NUDCD2: variants seen among roughly 807,000 people sequenced by gnomAD.
NUDCD2 encodes NudC domain containing 2.
Under a neutral mutation model 20.8 loss-of-function variants are expected in NUDCD2, and 16 were observed. The ratio of observed to expected loss-of-function variants is 0.77; its 90% CI spans 0.52 to 1.17. The LOEUF is 1.17. NUDCD2 is among the 50% of genes most tolerant of loss of function. NUDCD2 has a pLI of 0.00. For synonymous variants in NUDCD2, 87 were observed against 72.8 expected (o/e 1.20, Z -1.00); for missense variants, 199 against 193.9 (o/e 1.03, Z -0.16).
At position 163,448,755 on chromosome 5, in the gene NUDCD2, G is replaced by A. The variant is rs1005795903; in HGVS notation, c.*5212C>T. 4 of 152,086 alleles carry A rather than the reference G, an allele frequency of 2.6e-5. No homozygotes were observed. The highest frequency in any genetic ancestry group is 4.4e-5 in the Non-Finnish European group (3 of 68,012). 9.4% of individuals were successfully genotyped at this position (152,086 alleles called of 1,614,324 possible). A position where few individuals can be genotyped will look rare whatever the true frequency, so the allele number is the denominator to read the frequency against. Reference sequence around the variant, plus strand: ...AAAAAATAAAAATCTAGATACATAAGCTGAATAATGTACCATGACCAAGTT... The same window carrying A: ...AAAAAATAAAAATCTAGATACATAAACTGAATAATGTACCATGACCAAGTT... On this transcript the variant is annotated 3_prime_UTR_variant, in exon 4 of 4. Transcript: ENST00000302764.
At chr5:163,455,077 C>T (rs1581178390) in intron 3 of NUDCD2, among the ~76,000 whole-genome samples, 1 of 151,422 alleles carries the variant, frequency 6.6e-6, no homozygotes, top group South Asian at 2.1e-4. Context: ...AGGTAGTGGG[C>T]CAAATTTGGC....
chr5:163,456,651 A>C (rs978112776), intron 3 of NUDCD2, among the ~76,000 whole-genome samples: 6 of 152,168 alleles, frequency 3.9e-5, no homozygotes, highest in Non-Finnish European at 5.9e-5. Context: ...GTCTATATTG[A>C]TTCAACTATA....
rs543151722 is a variant in NUDCD2 at position 163,455,145 on chromosome 5, G to GA, written c.391-1096dup. 5.8e-3 allele frequency among the ~76,000 whole-genome samples: 665 copies of GA among 114,686 alleles called. 1 individual carries two copies. Among genetic ancestry groups the GA allele is most frequent in the Middle Eastern group, 9.4e-3 (2 of 212 alleles). 75.2% of individuals were successfully genotyped at this position (114,686 alleles called of 152,430 possible). A position where few individuals can be genotyped will look rare whatever the true frequency, so the allele number is the denominator to read the frequency against. ...GTGTTAAAAGTTGGTAAGTGACACAGAAAAAAAAAAAAAACAGGATAAGGG... is the reference window on the plus strand; with the variant it reads ...GTGTTAAAAGTTGGTAAGTGACACAGAAAAAAAAAAAAAAACAGGATAAGGG... On this transcript the variant is annotated intron_variant, in intron 3 of 3. Coordinates refer to ENST00000302764, the MANE Select transcript of NUDCD2 (RefSeq NM_145266.6).
In NUDCD2 at chr5:163,460,016, A is replaced by G. The variant is rs754893174; in HGVS notation, c.35T>C (p.Val12Ala). ...CTGGCCCCACGGGGTCCCGCACGGT[A>G]CCACCCCACTCCGCTCCTCAAACGG... ...SAPFEERSGV[V>A]PCGTPWGQWY... Residue 12 changes from valine (V) to alanine (A), a missense_variant, in exon 1 of 4, where the codon GTA (valine) becomes GCA (alanine). Physicochemically the swap from Val to Ala is moderately conservative, Grantham distance 64. Transcript: ENST00000302764. 1.2e-6 allele frequency: 2 copies of G among 1,609,350 alleles called. No individual in the cohort carries two copies. Among genetic ancestry groups the G allele is most frequent in the East Asian group, 2.2e-5 (1 of 44,546 alleles).
At chr5:163,454,078 A>T in intron 3 of NUDCD2, 28 bp from the exon 4 acceptor site, 1 of 1,229,550 alleles carries the variant, frequency 8.1e-7, no homozygotes, top group Non-Finnish European at 1.1e-6. Context: ...ATATATAATG[A>T]AATAAAACTT....
At position 163,449,488 on chromosome 5, in the gene NUDCD2, C is replaced by T. The variant is rs1472622894; in HGVS notation, c.*4479G>A. ...AAATGAAAGAGGTCCTAAATAGATA[C>T]CTCATGTTCATGGATTGGAAGACAC... On this transcript the variant is annotated 3_prime_UTR_variant, in exon 4 of 4. Coordinates refer to ENST00000302764, the MANE Select transcript of NUDCD2 (RefSeq NM_145266.6). The T allele has an allele frequency of 6.6e-6, 1 of 152,168 alleles. No individual in the cohort carries two copies. The highest frequency in any genetic ancestry group is 6.5e-5 in the Admixed American group (1 of 15,268). 9.4% of individuals were successfully genotyped at this position (152,168 alleles called of 1,614,324 possible).
At position 163,452,841 on chromosome 5, in the gene NUDCD2, T is replaced by C. The variant is rs191237690; in HGVS notation, c.*1126A>G. 6.6e-6 allele frequency: 1 copy of C among 152,202 alleles called. No homozygotes were observed. Among genetic ancestry groups the C allele is most frequent in the Non-Finnish European group, 1.5e-5 (1 of 68,020 alleles). 9.4% of individuals were successfully genotyped at this position (152,202 alleles called of 1,614,324 possible). A position where few individuals can be genotyped will look rare whatever the true frequency, so the allele number is the denominator to read the frequency against. On this transcript the variant is annotated 3_prime_UTR_variant, in exon 4 of 4. Coordinates refer to ENST00000302764, the MANE Select transcript of NUDCD2 (RefSeq NM_145266.6). ...GCCCATAATTGTCAAAAGTACTAAG[T>C]TGTAAAAGGAAACAAATGAGAATTT... is the stretch of plus-strand genomic sequence containing the variant.
At position 163,451,667 on chromosome 5, in the gene NUDCD2, G is replaced by A. The variant is rs1241196978; in HGVS notation, c.*2300C>T. On this transcript the variant is annotated 3_prime_UTR_variant, in exon 4 of 4. Coordinates refer to ENST00000302764, the MANE Select transcript of NUDCD2 (RefSeq NM_145266.6). Reference sequence around the variant, plus strand: ...GCCATGGCCTGGAGTGAGGTATTAGGGTCCAGGCAGGATGAGGAGGACATT... The same window carrying A: ...GCCATGGCCTGGAGTGAGGTATTAGAGTCCAGGCAGGATGAGGAGGACATT... The A allele has an allele frequency of 1.3e-5, 2 of 152,174 alleles. No homozygotes were observed. Among genetic ancestry groups the A allele is most frequent in the Non-Finnish European group, 2.9e-5 (2 of 68,036 alleles). The allele number at this position is 152,174 out of a possible 1,614,324, so 9.4% of individuals were successfully genotyped here. A position where few individuals can be genotyped will look rare whatever the true frequency, so the allele number is the denominator to read the frequency against.
intron 3 of NUDCD2, among the ~76,000 whole-genome samples, chr5:163,455,329 T>G (rs542342185): frequency 6.6e-6 from 1 of 152,156 alleles, no homozygotes; most frequent in Non-Finnish European, 1.5e-5. Flanking sequence ...CAGGCCAGTA[T>G]GGCAAAAGCA....
intron 3 of NUDCD2, among the ~76,000 whole-genome samples, chr5:163,456,172 T>C (rs1474610772): frequency 1.3e-5 from 2 of 152,108 alleles, no homozygotes; most frequent in African/African-American, 4.8e-5. Context: ...AGAAAAAAAG[T>C]CTAGGCTAGA....
intron 3 of NUDCD2, among the ~76,000 whole-genome samples, chr5:163,455,501 C>T (rs1758278518): frequency 6.6e-6 from 1 of 152,146 alleles, no homozygotes; most frequent in African/African-American, 2.4e-5. Flanking sequence ...CGGTGGTTCA[C>T]GCCTGTAATC....
Position 163,460,017 on chromosome 5 carries a change from C to T in NUDCD2, c.34G>A (p.Val12Ile), listed in dbSNP as rs777726078. The change falls in exon 1 of 4, where the codon GTA (valine) becomes ATA (isoleucine). Residue 12 changes from valine (V) to isoleucine (I), a missense_variant. Physicochemically the swap from Val to Ile is conservative, Grantham distance 29. Transcript: ENST00000302764. ...TGGCCCCACGGGGTCCCGCACGGTA[C>T]CACCCCACTCCGCTCCTCAAACGGG... ...SAPFEERSGV[V>I]PCGTPWGQWY... The T allele has an allele frequency of 1.9e-6, 3 of 1,602,848 alleles. No individual in the cohort carries two copies. Among genetic ancestry groups the T allele is most frequent in the South Asian group, 2.2e-5 (2 of 90,108 alleles).
Position 163,451,891 on chromosome 5 carries a change from C to CA in NUDCD2, c.*2075dup, listed in dbSNP as rs1337253469. On this transcript the variant is annotated 3_prime_UTR_variant, in exon 4 of 4. Transcript: ENST00000302764. Reference sequence around the variant, plus strand: ...CAACATGGAGAAACCCCGTCTCTACCAAAAATTAAAAATTAGCCAGGTGTG... The same window carrying CA: ...CAACATGGAGAAACCCCGTCTCTACCAAAAAATTAAAAATTAGCCAGGTGTG... 2 of 152,052 alleles carry CA rather than the reference C, an allele frequency of 1.3e-5. No individual in the cohort carries two copies. The highest frequency in any genetic ancestry group is 4.8e-5 in the African/African-American group (2 of 41,400). The allele number at this position is 152,052 out of a possible 1,614,324, so 9.4% of individuals were successfully genotyped here. A position where few individuals can be genotyped will look rare whatever the true frequency, so the allele number is the denominator to read the frequency against.
In NUDCD2 at chr5:163,451,546, A is replaced by G. The variant is rs1758177333; in HGVS notation, c.*2421T>C. The G allele has an allele frequency of 6.6e-6, 1 of 152,210 alleles. No homozygotes were observed. Among genetic ancestry groups the G allele is most frequent in the Non-Finnish European group, 1.5e-5 (1 of 68,042 alleles). The allele number at this position is 152,210 out of a possible 1,614,324, so 9.4% of individuals were successfully genotyped here. A position where few individuals can be genotyped will look rare whatever the true frequency, so the allele number is the denominator to read the frequency against. ...TTACTTTACTCAAAAAATTTTGTTA[A>G]ATGTCAAAGAGAATAAAATTAAAAG... On this transcript the variant is annotated 3_prime_UTR_variant, in exon 4 of 4. Transcript: ENST00000302764.
At position 163,450,618 on chromosome 5, in the gene NUDCD2, C is replaced by T. The variant is rs534165883; in HGVS notation, c.*3349G>A. On this transcript the variant is annotated 3_prime_UTR_variant, in exon 4 of 4. Transcript: ENST00000302764. ...TAGCAAACCAAAACTAGATAGAGATCCCATTTCATATCCACTAGAGTGACT... is the reference window on the plus strand; with the variant it reads ...TAGCAAACCAAAACTAGATAGAGATTCCATTTCATATCCACTAGAGTGACT... 2.6e-5 allele frequency: 4 copies of T among 152,240 alleles called. No homozygotes were observed. The highest frequency in any genetic ancestry group is 9.6e-5 in the African/African-American group (4 of 41,546). 9.4% of individuals were successfully genotyped at this position (152,240 alleles called of 1,614,324 possible).
intron 2 of NUDCD2, 33 bp from the exon 3 acceptor site, chr5:163,457,113 A>C (rs1354747185): frequency 6.5e-7 from 1 of 1,542,096 alleles, no homozygotes; most frequent in Non-Finnish European, 8.7e-7. Flanking sequence ...CACACGCACA[A>C]ATAAATTAGA....
rs893727765 is a variant in NUDCD2, at chr5:163,453,989, T to C, written c.452A>G (p.Asp151Gly). Reference sequence around the variant, plus strand: ...CAGTTATTTCTCAAGGTTTGAGAAATCTGGTCCACCTTTAGTGTAGTTTCC... The same window carrying C: ...CAGTTATTTCTCAAGGTTTGAGAAACCTGGTCCACCTTTAGTGTAGTTTCC... ...ISGNYTKGGP[D>G]FSNLEK is the part of the protein sequence containing the mutation. Residue 151 changes from aspartate (D) to glycine (G), a missense_variant, in exon 4 of 4, where the codon GAT (aspartate) becomes GGT (glycine). By Grantham distance (94) the Asp-to-Gly change is moderately conservative (BLOSUM62 -1). Transcript: ENST00000302764. 1 of 1,544,098 alleles carries C rather than the reference T, an allele frequency of 6.5e-7. No individual in the cohort carries two copies. The highest frequency in any genetic ancestry group is 8.8e-7 in the Non-Finnish European group (1 of 1,141,832).
rs972625326 is a variant in NUDCD2 at position 163,452,201 on chromosome 5, G to C, written c.*1766C>G. The stretch of plus-strand genomic sequence containing the variant: ...GAATTCATGGTTTTCAATATACATA[G>C]ATGCAGAAATATAGATGTAAAGACA... On this transcript the variant is annotated 3_prime_UTR_variant, in exon 4 of 4. Coordinates refer to ENST00000302764, the MANE Select transcript of NUDCD2 (RefSeq NM_145266.6). 6.6e-6 allele frequency: 1 copy of C among 152,166 alleles called. No homozygotes were observed. Among genetic ancestry groups the C allele is most frequent in the African/African-American group, 2.4e-5 (1 of 41,436 alleles). The allele number at this position is 152,166 out of a possible 1,614,324, so 9.4% of individuals were successfully genotyped here. A position where few individuals can be genotyped will look rare whatever the true frequency, so the allele number is the denominator to read the frequency against.
intron 3 of NUDCD2, among the ~76,000 whole-genome samples, chr5:163,455,044 G>C (rs1352766631): frequency 6.6e-6 from 1 of 151,408 alleles, no homozygotes; most frequent in Non-Finnish European, 1.5e-5. Context: ...GAGCATATAC[G>C]TATCCTAGAA....
Sources: gnomAD v4.1 joint callset for allele counts (sites outside exome capture counted in the v4.1 genomes callset) on GRCh38, gnomAD v4.1.1 for gene constraint, MANE v1.5 for transcripts, NCBI Gene and HGNC (gene_info 2026-07-23, HGNC 2026-07-21) for gene names.